The following CFDP1 variants were observed in gnomAD, a reference collection of about 807,000 sequenced individuals.
The protein encoded by CFDP1 is heterochromatin-stabilizing protein CFDP1.
CFDP1 carries 31 observed loss-of-function variants against 40.1 expected under a neutral mutation model. That is an observed-to-expected ratio of 0.77 (90% CI 0.58 to 1.04). The LOEUF (loss-of-function observed/expected upper bound fraction) is 1.04. Ranked by LOEUF, CFDP1 falls within the 50% of genes least tolerant of loss-of-function variation. The pLI is 0.00. For synonymous variants in CFDP1, 167 were observed against 120.0 expected (o/e 1.39, Z -2.56); for missense variants, 423 against 343.4 (o/e 1.23, Z -1.83).
intron 5 of CFDP1, among the ~76,000 whole-genome samples, chr16:75,325,518 T>A (rs988392544): frequency 6.6e-6 from 1 of 152,234 alleles, no homozygotes; most frequent in Non-Finnish European, 1.5e-5. Context: ...CTTTTCTCTA[T>A]CACACTTAGC....
chr16:75,426,881 C>T (rs145487510), intron 1 of CFDP1, among the ~76,000 whole-genome samples: 3 of 151,724 alleles, frequency 2.0e-5, no homozygotes, highest in Non-Finnish European at 4.4e-5. Context: ...ATGGTGAAAC[C>T]CCATCTCTAC....
chr16:75,310,345 C>A (rs1387674978), intron 5 of CFDP1, among the ~76,000 whole-genome samples: 2 of 152,152 alleles, frequency 1.3e-5, no homozygotes, highest in Non-Finnish European at 2.9e-5. Flanking sequence ...ATTATCAACT[C>A]CCTTCCCACC....
chr16:75,321,234 G>C (rs954056749), intron 5 of CFDP1, among the ~76,000 whole-genome samples: 2 of 152,202 alleles, frequency 1.3e-5, no homozygotes, highest in South Asian at 2.1e-4. Context: ...CAAAGTGCTG[G>C]AATTACAGGC....
chr16:75,398,303 T>C (rs963576484), intron 4 of CFDP1, among the ~76,000 whole-genome samples: 63 of 152,242 alleles, frequency 4.1e-4, no homozygotes, highest in African/African-American at 1.5e-3. Flanking sequence ...AGCAATGCTA[T>C]AGAGAACCCT....
At chr16:75,425,410 A>AC (rs2079328362) in intron 1 of CFDP1, among the ~76,000 whole-genome samples, 1 of 138,090 alleles carries the variant, frequency 7.2e-6, no homozygotes, top group Non-Finnish European at 1.6e-5. Flanking sequence ...AAAAAAAAAA[A>AC]AACTATATGG....
intron 5 of CFDP1, among the ~76,000 whole-genome samples, chr16:75,356,323 A>G (rs762500680): frequency 8.5e-5 from 13 of 152,258 alleles, no homozygotes; most frequent in Non-Finnish European, 1.8e-4. Context: ...GGATGTTAAC[A>G]GTAAACAACA....
chr16:75,334,058 T>C (rs2078467561), intron 5 of CFDP1, among the ~76,000 whole-genome samples: 1 of 152,102 alleles, frequency 6.6e-6, no homozygotes, highest in Admixed American at 6.5e-5. Context: ...TGAGCATTAT[T>C]AATCATGAAT....
At position 75,293,841 on chromosome 16, in the gene CFDP1, A is replaced by G. The variant is rs1418745568; in HGVS notation, c.*111T>C. 4.8e-6 allele frequency: 4 copies of G among 838,660 alleles called. No homozygotes were observed. The highest frequency in any genetic ancestry group is 1.7e-5 in the South Asian group (1 of 58,698). The allele number at this position is 838,660 out of a possible 1,614,324, so 52.0% of individuals were successfully genotyped here. ...GACAGAACTTCAATGTAGAAAAAAA[A>G]AAGACCTTGCTGGGAAACAGATGAT... is the stretch of plus-strand genomic sequence containing the variant. On this transcript the variant is annotated 3_prime_UTR_variant, in exon 7 of 7. Transcript: ENST00000283882.
intron 5 of CFDP1, among the ~76,000 whole-genome samples, chr16:75,311,770 A>AAT (rs2078294153): frequency 7.1e-6 from 1 of 141,792 alleles, no homozygotes; most frequent in Non-Finnish European, 1.5e-5. Context: ...GACCTTTACA[A>AAT]TTTTTTTTTT....
intron 5 of CFDP1, among the ~76,000 whole-genome samples, chr16:75,330,637 G>A (rs72804157): frequency 0.047 from 7,184 of 152,248 alleles, 215 homozygotes; most frequent in Non-Finnish European, 0.067. Flanking sequence ...CAGGACAGAG[G>A]TAAGGCCAGG....
intron 6 of CFDP1, among the ~76,000 whole-genome samples, chr16:75,299,735 G>T (rs901053723): frequency 6.6e-6 from 1 of 152,176 alleles, no homozygotes; most frequent in South Asian, 2.1e-4. Flanking sequence ...ACAAGATGTT[G>T]CCCTCAGGGA....
intron 5 of CFDP1, among the ~76,000 whole-genome samples, chr16:75,325,753 C>A (rs190696340): frequency 1.3e-5 from 2 of 152,312 alleles, no homozygotes; most frequent in Admixed American, 6.5e-5. Context: ...CATTATAAAT[C>A]CCAGTGAAGT....
chr16:75,309,394 C>T (rs1272081641), intron 5 of CFDP1, among the ~76,000 whole-genome samples: 1 of 151,996 alleles, frequency 6.6e-6, no homozygotes, highest in East Asian at 1.9e-4. Flanking sequence ...AAGCCTACTT[C>T]AGCCACGCAC....
chr16:75,341,360 T>C (rs2078525477), intron 5 of CFDP1, among the ~76,000 whole-genome samples: 1 of 152,226 alleles, frequency 6.6e-6, no homozygotes, highest in African/African-American at 2.4e-5. Context: ...AAGTTATTAA[T>C]AACCCTATGG....
chr16:75,343,219 A>T (rs951415646), intron 5 of CFDP1, among the ~76,000 whole-genome samples: 1 of 152,174 alleles, frequency 6.6e-6, no homozygotes, highest in African/African-American at 2.4e-5. Flanking sequence ...TAAATAAGTT[A>T]AAAAATGTTC....
intron 5 of CFDP1, among the ~76,000 whole-genome samples, chr16:75,369,391 C>A (rs11640473): frequency 0.52 from 77,919 of 149,836 alleles, 21,197 homozygotes; most frequent in Admixed American, 0.64. Context: ...TCAAAAAAAA[C>A]AAAAACAAAA....
intron 5 of CFDP1, among the ~76,000 whole-genome samples, chr16:75,333,187 G>A (rs773133650): frequency 6.7e-6 from 1 of 148,308 alleles, no homozygotes; most frequent in African/African-American, 2.5e-5. Flanking sequence ...GCAGTGGCGC[G>A]ATCTCAGCTC....
At chr16:75,309,844 A>AAC (rs2078284941) in intron 5 of CFDP1, among the ~76,000 whole-genome samples, 1 of 150,810 alleles carries the variant, frequency 6.6e-6, no homozygotes, top group Non-Finnish European at 1.5e-5. Flanking sequence ...AAAAAAAAAA[A>AAC]ACCAATCCAG....
At chr16:75,349,686 A>C (rs200830329) in intron 5 of CFDP1, among the ~76,000 whole-genome samples, 1 of 8,894 alleles carries the variant, frequency 1.1e-4, no homozygotes, top group Non-Finnish European at 2.1e-4. Context: ...AAAAAAAAAA[A>C]AAAAATATAT....
Sources: gnomAD v4.1 joint callset for allele counts (sites outside exome capture counted in the v4.1 genomes callset) on GRCh38, gnomAD v4.1.1 for gene constraint, MANE v1.5 for transcripts, NCBI Gene and HGNC (gene_info 2026-07-23, HGNC 2026-07-21) for gene names.